The following PRKG1 variants were observed in gnomAD, a reference collection of about 807,000 sequenced individuals.
PRKG1 encodes protein kinase cGMP-dependent 1.
In PRKG1, 35 loss-of-function variants were observed where a neutral mutation model predicts 88.1. The observed-to-expected ratio is 0.40, with a 90% CI of 0.30 to 0.53. PRKG1 has a LOEUF of 0.53. PRKG1 is among the 20% of genes least tolerant of loss of function. PRKG1 has a pLI of 0.59. For synonymous variants in PRKG1, 303 were observed against 292.5 expected (o/e 1.04, Z -0.37); for missense variants, 540 against 839.8 (o/e 0.64, Z 4.41).
intron 3 of PRKG1, among the ~76,000 whole-genome samples, chr10:51,743,711 AATAT>A (rs202116169): frequency 8.7e-6 from 1 of 115,154 alleles, no homozygotes. Flanking sequence ...ATATAAACTA[AATAT>A]ATATATATAT....
chr10:51,107,810 CAAAAA>C (rs150587434), intron 1 of PRKG1, among the ~76,000 whole-genome samples: 23 of 63,310 alleles, frequency 3.6e-4, no homozygotes, highest in African/African-American at 9.5e-4. Flanking sequence ...AACCCTGTCT[CAAAAA>C]AAAAAAAAAA....
At chr10:51,489,100 G>A (rs1325573091) in intron 3 of PRKG1, among the ~76,000 whole-genome samples, 4 of 152,092 alleles carry the variant, frequency 2.6e-5, no homozygotes, top group Non-Finnish European at 5.9e-5. Context: ...GTCTTTCTAG[G>A]CATTTTGCTA....
At chr10:51,142,925 T>C (rs1845855708) in intron 1 of PRKG1, among the ~76,000 whole-genome samples, 1 of 152,158 alleles carries the variant, frequency 6.6e-6, no homozygotes, top group South Asian at 2.1e-4. Flanking sequence ...GCATTTACAA[T>C]GGTTAAATCT....
At chr10:51,470,642 C>A (rs1334003465) in intron 3 of PRKG1, among the ~76,000 whole-genome samples, 3 of 151,878 alleles carry the variant, frequency 2.0e-5, no homozygotes, top group African/African-American at 7.2e-5. Context: ...GCAGTTTTTA[C>A]AATTGTATCA....
In PRKG1 at chr10:52,142,805, G is replaced by A. The variant is rs553335011; in HGVS notation, c.1001+8900G>A. On this transcript the variant is annotated intron_variant, in intron 8 of 17. Coordinates refer to ENST00000373980, the MANE Select transcript of PRKG1 (RefSeq NM_006258.4). ...TTCGCCTGTTGATTTTCATTGTACC[G>A]TCCTTTTACTTGCCATACCATACAT... 9.9e-5 allele frequency among the ~76,000 whole-genome samples: 15 copies of A among 152,096 alleles called. No homozygotes were observed. The South Asian group carries it at 1.7e-3, about 17-fold the overall frequency.
chr10:51,005,505 A>G (rs1055684822), intron 1 of PRKG1, among the ~76,000 whole-genome samples: 1 of 152,208 alleles, frequency 6.6e-6, no homozygotes, highest in Non-Finnish European at 1.5e-5. Context: ...TGTAAATTGG[A>G]ACAATAGGAC....
At chr10:51,545,876 C>A (rs1474184041) in intron 3 of PRKG1, among the ~76,000 whole-genome samples, 1 of 151,758 alleles carries the variant, frequency 6.6e-6, no homozygotes. Flanking sequence ...TATGAGAGTC[C>A]CTTCCCCCTA....
chr10:51,902,224 C>A (rs1841996009), intron 4 of PRKG1, among the ~76,000 whole-genome samples: 1 of 152,164 alleles, frequency 6.6e-6, no homozygotes, highest in South Asian at 2.1e-4. Flanking sequence ...TCAAGCAATT[C>A]TCCTGCCTCA....
At chr10:52,085,293 A>T (rs1846884549) in intron 7 of PRKG1, among the ~76,000 whole-genome samples, 1 of 141,070 alleles carries the variant, frequency 7.1e-6, no homozygotes, top group Non-Finnish European at 1.5e-5. Context: ...GCATCCATTG[A>T]TGAAGATTTC....
At chr10:51,888,852 T>C (rs1047702060) in intron 4 of PRKG1, among the ~76,000 whole-genome samples, 3 of 152,206 alleles carry the variant, frequency 2.0e-5, no homozygotes, top group Admixed American at 2.0e-4. Flanking sequence ...AATGAACTAG[T>C]TCATATACAA....
intron 9 of PRKG1, among the ~76,000 whole-genome samples, chr10:52,247,148 C>A (rs1298774745): frequency 6.6e-6 from 1 of 152,064 alleles, no homozygotes; most frequent in Non-Finnish European, 1.5e-5. Flanking sequence ...GAATTCACAG[C>A]TTTTGCCCTA....
At chr10:51,836,299 T>C (rs1840129323) in intron 4 of PRKG1, among the ~76,000 whole-genome samples, 1 of 152,152 alleles carries the variant, frequency 6.6e-6, no homozygotes, top group African/African-American at 2.4e-5. Flanking sequence ...CTTTAATAAA[T>C]GGTATTGGGA....
chr10:51,261,337 C>T (rs1192791560), intron 2 of PRKG1, among the ~76,000 whole-genome samples: 2 of 152,106 alleles, frequency 1.3e-5, no homozygotes, highest in African/African-American at 4.8e-5. Context: ...TGTATTTCTC[C>T]AGATTAATTT....
Position 52,288,108 on chromosome 10 carries a change from G to T in PRKG1, c.1710-618G>T, listed in dbSNP as rs528629801. ...TGCTAGGTTACGTGGGTTGATATAG[G>T]TTATGTAATTGGTTGTAATAGGTTG... On this transcript the variant is annotated intron_variant, in intron 14 of 17. Transcript: ENST00000373980. Among the ~76,000 whole-genome samples the T allele has an allele frequency of 7.3e-4, 111 of 152,250 alleles. 1 individual carries two copies. Among genetic ancestry groups the T allele is most frequent in the Non-Finnish European group, 1.2e-3 (80 of 68,014 alleles).
At chr10:52,168,694 G>T (rs554779491) in intron 9 of PRKG1, among the ~76,000 whole-genome samples, 1 of 151,348 alleles carries the variant, frequency 6.6e-6, no homozygotes, top group East Asian at 1.9e-4. Context: ...ATAGAGTGAG[G>T]ACAATGTGAT....
At chr10:51,092,577 A>G (rs957416552) in intron 1 of PRKG1, among the ~76,000 whole-genome samples, 53 of 152,186 alleles carry the variant, frequency 3.5e-4, no homozygotes, top group African/African-American at 1.2e-3. Flanking sequence ...GATGCCTATC[A>G]GTCCTGCCTG....
At chr10:51,711,163 T>A (rs1471640093) in intron 3 of PRKG1, among the ~76,000 whole-genome samples, 4 of 152,182 alleles carry the variant, frequency 2.6e-5, no homozygotes, top group Non-Finnish European at 5.9e-5. Flanking sequence ...TGGAGTGCAG[T>A]GGTGCAATCT....
chr10:51,914,905 T>A (rs1842304860), intron 5 of PRKG1, among the ~76,000 whole-genome samples: 1 of 152,214 alleles, frequency 6.6e-6, no homozygotes, highest in Non-Finnish European at 1.5e-5. Context: ...AAGAAAGTTT[T>A]TTAAAAAAGA....
intron 5 of PRKG1, among the ~76,000 whole-genome samples, chr10:51,991,872 AT>A (rs1271845960): frequency 2.6e-5 from 4 of 152,228 alleles, no homozygotes; most frequent in Non-Finnish European, 5.9e-5. Flanking sequence ...AGCATGATTT[AT>A]AATCCTTTGG....
Sources: allele counts gnomAD v4.1 joint callset (sites outside exome capture counted in the v4.1 genomes callset), GRCh38; gene constraint gnomAD v4.1.1; transcripts MANE v1.5; gene names NCBI Gene and HGNC (gene_info 2026-07-23, HGNC 2026-07-21).